Variants in ABL1 observed in about 807,000 individuals in gnomAD.
ABL1 encodes the protein tyrosine-protein kinase ABL1.
ABL1 carries 11 observed loss-of-function variants against 94.7 expected under a neutral mutation model. The ratio of observed to expected loss-of-function variants is 0.12; its 90% CI spans 0.07 to 0.19. The LOEUF (loss-of-function observed/expected upper bound fraction) is 0.19, where lower values mean the gene tolerates loss of function less well. ABL1 is among the 10% of genes least tolerant of loss of function. The pLI is 1.00. For missense variants in ABL1, 1,082 were observed against 1,489.4 expected (o/e 0.73, Z 4.50); for synonymous variants, 656 against 622.4 (o/e 1.05, Z -0.80).
chr9:130,874,830 G>A, intron 6 of ABL1, 38 bp from the exon 7 acceptor site: 1 of 1,606,352 alleles, frequency 6.2e-7, no homozygotes, highest in East Asian at 2.2e-5. Flanking sequence ...TGGAAGGTTG[G>A]CCAGGAGCTC....
chr9:130,797,395 G>A (rs1017996854), intron 1 of ABL1, among the ~76,000 whole-genome samples: 2 of 151,840 alleles, frequency 1.3e-5, no homozygotes, highest in African/African-American at 4.8e-5. Flanking sequence ...TTTGTTTTGA[G>A]ACAAGTACTC....
intron 1 of ABL1, among the ~76,000 whole-genome samples, chr9:130,747,017 C>T (rs1401702600): frequency 6.6e-6 from 1 of 152,034 alleles, no homozygotes; most frequent in Non-Finnish European, 1.5e-5. Context: ...GTTTGTGACC[C>T]CTTGTATCAC....
At chr9:130,871,057 G>A (rs1260798783) in intron 4 of ABL1, among the ~76,000 whole-genome samples, 1 of 152,184 alleles carries the variant, frequency 6.6e-6, no homozygotes, top group Non-Finnish European at 1.5e-5. Context: ...CCTCTTTGGG[G>A]AGCCTAATTT....
At chr9:130,848,604 A>G (rs1830811303) in intron 1 of ABL1, among the ~76,000 whole-genome samples, 1 of 151,986 alleles carries the variant, frequency 6.6e-6, no homozygotes, top group Non-Finnish European at 1.5e-5. Flanking sequence ...AACAATCCAC[A>G]TTTTTTGTGA....
intron 1 of ABL1, among the ~76,000 whole-genome samples, chr9:130,827,509 C>T (rs1830440917): frequency 6.6e-6 from 1 of 152,094 alleles, no homozygotes; most frequent in African/African-American, 2.4e-5. Flanking sequence ...AGGTCTCTAA[C>T]CTGATATTAA....
intron 1 of ABL1, among the ~76,000 whole-genome samples, chr9:130,766,846 G>A (rs1217508967): frequency 6.6e-6 from 1 of 152,164 alleles, no homozygotes; most frequent in Admixed American, 6.5e-5. Flanking sequence ...CCTCCTGCTA[G>A]CAGAGAGACC....
chr9:130,869,999 A>G (rs755146872), intron 4 of ABL1, among the ~76,000 whole-genome samples: 4 of 152,092 alleles, frequency 2.6e-5, no homozygotes, highest in African/African-American at 4.8e-5. Flanking sequence ...TAATTTTTGT[A>G]TTTTTAGTAG....
chr9:130,767,375 T>A (rs1832196757), intron 1 of ABL1, among the ~76,000 whole-genome samples: 2 of 151,846 alleles, frequency 1.3e-5, no homozygotes, highest in Non-Finnish European at 2.9e-5. Flanking sequence ...CACTCTGTTG[T>A]CCAGGCTGGA....
chr9:130,872,734 T>G lies in ABL1; in HGVS notation c.908-126T>G. On this transcript the variant is annotated intron_variant, in intron 5 of 10. Coordinates refer to ENST00000318560, the MANE Select transcript of ABL1 (RefSeq NM_005157.6). This position sits in a 1 kb window ranked among gnomAD's most constrained non-coding sequence, Gnocchi z 5.0. ...CTCAGGATGCAGGTGCTTGGGACCA[T>G]GTTGGAAGTTGGGCCCAGGACTGAG... 47 of 871,188 alleles carry G rather than the reference T, an allele frequency of 5.4e-5. No homozygotes were observed. Among genetic ancestry groups the G allele is most frequent in the Non-Finnish European group, 7.2e-5 (41 of 569,748 alleles). The allele number at this position is 871,188 out of a possible 1,614,324, so 54.0% of individuals were successfully genotyped here. A position where few individuals can be genotyped will look rare whatever the true frequency, so the allele number is the denominator to read the frequency against.
In ABL1 at chr9:130,814,280, C is replaced by T. The variant is rs1489955967; in HGVS notation, c.137-39784C>T. On this transcript the variant is annotated intron_variant, in intron 1 of 10. Coordinates refer to the ABL1 transcript ENST00000372348. This position sits in a 1 kb window ranked among gnomAD's most constrained non-coding sequence, Gnocchi z 4.4. ...CCACCCTAGCGACAGAACGAGACTC[C>T]GTCTCAAAAAAAAAAGAAAGAAAGA... is the stretch of plus-strand genomic sequence containing the variant. Among the ~76,000 whole-genome samples the T allele has an allele frequency of 7.1e-6, 1 of 141,560 alleles. No homozygotes were observed. The highest frequency in any genetic ancestry group is 1.5e-5 in the Non-Finnish European group (1 of 66,642). The allele number at this position is 141,560 out of a possible 152,430, so 92.9% of individuals were successfully genotyped here. A position where few individuals can be genotyped will look rare whatever the true frequency, so the allele number is the denominator to read the frequency against.
At chr9:130,834,926 A>G (rs1377665969), upstream of ABL1, 2 of 455,738 alleles carry the variant, frequency 4.4e-6, no homozygotes, top group Non-Finnish European at 8.8e-6. Flanking sequence ...AACTCGCCAA[A>G]AGCGGTGCAG....
intron 4 of ABL1, among the ~76,000 whole-genome samples, chr9:130,864,360 T>C (rs1294895624): frequency 6.6e-6 from 1 of 152,138 alleles, no homozygotes; most frequent in East Asian, 1.9e-4. Flanking sequence ...TTCTCCTTCC[T>C]CAGCCTCACG....
chr9:130,733,967 A>T (rs1239640093), intron 1 of ABL1, among the ~76,000 whole-genome samples: 1 of 152,082 alleles, frequency 6.6e-6, no homozygotes, highest in African/African-American at 2.4e-5. Flanking sequence ...TTTCAGTAGG[A>T]AAACTTGTGC....
intron 1 of ABL1, among the ~76,000 whole-genome samples, chr9:130,800,459 T>C (rs1021691787): frequency 3.4e-5 from 5 of 148,454 alleles, no homozygotes; most frequent in African/African-American, 4.9e-5. Flanking sequence ...CAAAAACCTA[T>C]TGAAAAAAAA....
intron 1 of ABL1, among the ~76,000 whole-genome samples, chr9:130,741,633 C>G (rs73553876): frequency 0.038 from 5,769 of 151,392 alleles, 370 homozygotes; most frequent in African/African-American, 0.13. Context: ...GTAACAGTTA[C>G]TGCACTGATA....
chr9:130,722,290 G>T (rs1015388086), intron 1 of ABL1, among the ~76,000 whole-genome samples: 4 of 152,088 alleles, frequency 2.6e-5, no homozygotes, highest in African/African-American at 9.7e-5. Context: ...CTACTCAGGA[G>T]GCTGAGGCAG....
At chr9:130,829,931 A>G (rs1012764123) in intron 1 of ABL1, among the ~76,000 whole-genome samples, 1 of 152,204 alleles carries the variant, frequency 6.6e-6, no homozygotes, top group African/African-American at 2.4e-5. Flanking sequence ...TGAATTCAGA[A>G]AGAGCAAGAT....
intron 1 of ABL1, among the ~76,000 whole-genome samples, chr9:130,802,326 T>C (rs1380068123): frequency 6.6e-6 from 1 of 152,110 alleles, no homozygotes; most frequent in East Asian, 1.9e-4. Flanking sequence ...ACTCCTGGGC[T>C]CAAGCAATCC....
chr9:130,854,937 G>A lies in ABL1; in HGVS notation c.390G>A (p.Gly130=), dbSNP rs746147456. ...NSLEKHSWYH[G]PVSRNAAEYL... ...TGGAGAAACACTCCTGGTACCATGG[G>A]CCTGTGTCCCGCAATGCCGCTGAGT... The change falls in exon 3 of 11, where the codon GGG becomes GGA. Residue 130 remains glycine, a synonymous_variant. Coordinates refer to ENST00000318560, the MANE Select transcript of ABL1 (RefSeq NM_005157.6). 2.5e-6 allele frequency: 4 copies of A among 1,614,110 alleles called. No individual in the cohort carries two copies. The highest frequency in any genetic ancestry group is 3.4e-6 in the Non-Finnish European group (4 of 1,180,054).
Sources: allele counts gnomAD v4.1 joint callset (sites outside exome capture counted in the v4.1 genomes callset), GRCh38; gene constraint gnomAD v4.1.1; non-coding constraint Gnocchi (gnomAD v3.1); transcripts MANE v1.5; gene names NCBI Gene and HGNC (gene_info 2026-07-23, HGNC 2026-07-21).